SFSWAP: variants seen among roughly 807,000 people sequenced by gnomAD.
The protein encoded by SFSWAP is splicing factor, suppressor of white-apricot homolog.
A neutral mutation model predicts 100.7 loss-of-function variants in SFSWAP; 17 were observed. The observed-to-expected ratio is 0.17, with a 90% CI of 0.12 to 0.25. The LOEUF is 0.25. Among genes scored for constraint, SFSWAP ranks in the 10% least tolerant of loss-of-function variants. The probability of loss-of-function intolerance (pLI) is 1.00; values close to 1 mark genes in which losing one functional copy is unlikely to be tolerated. For synonymous variants in SFSWAP, 504 were observed against 510.1 expected (o/e 0.99, Z 0.16); for missense variants, 1,005 against 1,262.6 (o/e 0.80, Z 3.09).
chr12:131,748,260 C>T (rs983233206), intron 7 of SFSWAP, among the ~76,000 whole-genome samples: 2 of 144,832 alleles, frequency 1.4e-5, no homozygotes, highest in African/African-American at 5.1e-5. Flanking sequence ...GATCTCAGCT[C>T]GCTGCAGCCT....
At chr12:131,727,875 A>T (rs975344354) in intron 6 of SFSWAP, among the ~76,000 whole-genome samples, 8 of 152,208 alleles carry the variant, frequency 5.3e-5, no homozygotes, top group African/African-American at 1.2e-4. Flanking sequence ...AGATTTAAGC[A>T]TCTGGTTTTC....
chr12:131,785,123 C>T (rs1457783039), intron 14 of SFSWAP: 22 of 1,535,588 alleles, frequency 1.4e-5, no homozygotes, highest in South Asian at 4.8e-5. Flanking sequence ...CAGAGCAGCG[C>T]GTCAGTGACA....
intron 15 of SFSWAP, among the ~76,000 whole-genome samples, chr12:131,793,792 C>T (rs1885439703): frequency 6.6e-6 from 1 of 152,078 alleles, no homozygotes; most frequent in Non-Finnish European, 1.5e-5. Context: ...TCTTAAATAG[C>T]CGGTACACAC....
At chr12:131,758,765 A>G (rs1882403987) in intron 11 of SFSWAP, among the ~76,000 whole-genome samples, 1 of 152,190 alleles carries the variant, frequency 6.6e-6, no homozygotes, top group African/African-American at 2.4e-5. Context: ...TGGGCAAATG[A>G]CAAAACCCCG....
chr12:131,776,048 G>A (rs1883998195), intron 13 of SFSWAP, among the ~76,000 whole-genome samples: 1 of 152,172 alleles, frequency 6.6e-6, no homozygotes, highest in African/African-American at 2.4e-5. Flanking sequence ...GTTGCGGTGA[G>A]CTGAGATCAC....
intron 16 of SFSWAP, 42 bp downstream of exon 16, chr12:131,797,402 G>C (rs1885761946): frequency 6.5e-7 from 1 of 1,547,948 alleles, no homozygotes; most frequent in Non-Finnish European, 8.8e-7. Context: ...GGAAAGGCAA[G>C]GGGCGGCCAG....
At chr12:131,741,658 A>ACAAAAAAAAAAC (rs1304687216) in intron 7 of SFSWAP, among the ~76,000 whole-genome samples, 22 of 152,058 alleles carry the variant, frequency 1.4e-4, no homozygotes, top group African/African-American at 5.3e-4. Flanking sequence ...AAAAAAAAAA[A>ACAAAAAAAAAAC]AACAGTAAAC....
intron 7 of SFSWAP, among the ~76,000 whole-genome samples, chr12:131,744,475 G>A (rs951670963): frequency 1.3e-5 from 2 of 152,198 alleles, no homozygotes; most frequent in Non-Finnish European, 2.9e-5. Context: ...CTTTGCCTCA[G>A]TTCCCAACAA....
rs1881958622 is a variant in SFSWAP at position 131,754,451 on chromosome 12, G to C, written c.1406G>C (p.Arg469Thr). ...VIDKLAEYVA[R>T]NGLKFETSVR... ...GACAAGCTGGCCGAGTATGTCGCCA[G>C]GAACGGCCTGAAGTTCGAGACCAGT... is the stretch of plus-strand genomic sequence containing the variant. The change falls in exon 9 of 18, where the codon AGG becomes ACG. Residue 469 changes from arginine to threonine, a missense_variant. Arg to Thr is a moderately conservative substitution (Grantham distance 71). Transcript: ENST00000261674. The C allele has an allele frequency of 6.2e-7, 1 of 1,603,756 alleles. No individual in the cohort carries two copies. The highest frequency in any genetic ancestry group is 1.3e-5 in the African/African-American group (1 of 74,256).
At chr12:131,745,483 C>G (rs183381304) in intron 7 of SFSWAP, among the ~76,000 whole-genome samples, 23 of 152,290 alleles carry the variant, frequency 1.5e-4, no homozygotes, top group African/African-American at 5.5e-4. Context: ...CTAACATCCC[C>G]TGGGTGTATT....
At chr12:131,738,191 A>G (rs772693279) in intron 7 of SFSWAP, among the ~76,000 whole-genome samples, 2 of 152,126 alleles carry the variant, frequency 1.3e-5, no homozygotes, top group Non-Finnish European at 2.9e-5. Flanking sequence ...TTTGCTGTTT[A>G]TGGTATATTT....
rs1486815124 is a variant in SFSWAP at position 131,711,999 on chromosome 12, A to T, written c.218+552A>T. The stretch of plus-strand genomic sequence containing the variant: ...CCAGAGCCCTCAGTGGAGCGCCCGT[A>T]CTTTGCCGGCATGACGTTTGATTTC... On this transcript the variant is annotated intron_variant, in intron 1 of 17. Transcript: ENST00000261674. This position sits in a 1 kb window ranked among gnomAD's most constrained non-coding sequence, Gnocchi z 4.9. 6.6e-6 allele frequency: 1 copy of T among 152,446 alleles called. No individual in the cohort carries two copies. Among genetic ancestry groups the T allele is most frequent in the African/African-American group, 2.4e-5 (1 of 41,404 alleles). The allele number at this position is 152,446 out of a possible 1,614,324, so 9.4% of individuals were successfully genotyped here.
intron 7 of SFSWAP, among the ~76,000 whole-genome samples, chr12:131,729,835 C>T (rs1344474220): frequency 7.2e-5 from 11 of 152,204 alleles, no homozygotes; most frequent in Admixed American, 4.6e-4. Context: ...ATTGTTAAAA[C>T]ATCAGCTCCT....
intron 7 of SFSWAP, among the ~76,000 whole-genome samples, chr12:131,739,937 A>G (rs952115292): frequency 1.3e-5 from 2 of 152,064 alleles, no homozygotes; most frequent in Admixed American, 1.3e-4. Context: ...TCTTTTCTTG[A>G]TCATTTGAAT....
At chr12:131,747,583 C>T (rs887016000) in intron 7 of SFSWAP, among the ~76,000 whole-genome samples, 2 of 152,158 alleles carry the variant, frequency 1.3e-5, no homozygotes, top group East Asian at 1.9e-4. Flanking sequence ...GTGGAAAACC[C>T]GGGGCAGGCA....
rs1347613027 is a variant in SFSWAP at position 131,781,244 on chromosome 12, T to A, written c.2408+2914T>A. Among the ~76,000 whole-genome samples, 81 of 147,408 alleles carry A rather than the reference T, an allele frequency of 5.5e-4. 1 individual carries two copies. The highest frequency in any genetic ancestry group is 1.7e-3 in the Admixed American group (26 of 14,898). On this transcript the variant is annotated intron_variant, in intron 14 of 17. Coordinates refer to ENST00000261674, the MANE Select transcript of SFSWAP (RefSeq NM_004592.4). ...CAAATATATCTTATTATTTTTTTTT[T>A]TTTTTTTTTTTTTGAGACAGAGTCT...
intron 13 of SFSWAP, among the ~76,000 whole-genome samples, chr12:131,769,707 A>G (rs1883424589): frequency 6.6e-6 from 1 of 151,856 alleles, no homozygotes; most frequent in African/African-American, 2.4e-5. Flanking sequence ...GCTCACTGCA[A>G]CCTCCGCCTC....
intron 3 of SFSWAP, among the ~76,000 whole-genome samples, chr12:131,715,994 C>G (rs1877876366): frequency 6.6e-6 from 1 of 152,236 alleles, no homozygotes; most frequent in Admixed American, 6.5e-5. Flanking sequence ...GCCACCACAT[C>G]CAGCCAAGTG....
intron 14 of SFSWAP, among the ~76,000 whole-genome samples, chr12:131,779,850 G>C (rs534031709): frequency 6.6e-6 from 1 of 152,204 alleles, no homozygotes; most frequent in African/African-American, 2.4e-5. Flanking sequence ...GCAATGGCAC[G>C]ATCTTGGCTC....
Sources: gnomAD v4.1 joint callset for allele counts (sites outside exome capture counted in the v4.1 genomes callset) on GRCh38, gnomAD v4.1.1 for gene constraint, Gnocchi (gnomAD v3.1) non-coding constraint, MANE v1.5 for transcripts, NCBI Gene and HGNC (gene_info 2026-07-23, HGNC 2026-07-21) for gene names.